PHACTR1: variants seen among roughly 807,000 people sequenced by gnomAD.
PHACTR1 encodes RPEL repeat containing 1.
PHACTR1 carries 16 observed loss-of-function variants against 69.2 expected under a neutral mutation model. The ratio of observed to expected loss-of-function variants is 0.23; its 90% CI spans 0.16 to 0.35. The LOEUF is 0.35. Among genes scored for constraint, PHACTR1 ranks in the 10% least tolerant of loss-of-function variants. The pLI is 1.00. For synonymous variants in PHACTR1, 312 were observed against 284.5 expected, an observed-to-expected ratio of 1.10 and a Z score of -0.97; for missense variants, 510 against 734.7, an observed-to-expected ratio of 0.69 and a Z score of 3.54.
chr6:13,109,242 T>C (rs1816636518), intron 5 of PHACTR1, among the ~76,000 whole-genome samples: 1 of 152,060 alleles, frequency 6.6e-6, no homozygotes, highest in Non-Finnish European at 1.5e-5. Context: ...TCCTGCTTTT[T>C]ATTTTTATGT....
intron 4 of PHACTR1, among the ~76,000 whole-genome samples, chr6:13,005,590 C>A (rs2127633863): frequency 6.6e-6 from 1 of 152,228 alleles, no homozygotes; most frequent in Non-Finnish European, 1.5e-5. Flanking sequence ...TTCAGCATGG[C>A]TTCTGTACTG....
At chr6:13,251,012 C>T (rs536617594) in intron 10 of PHACTR1, among the ~76,000 whole-genome samples, 3 of 152,342 alleles carry the variant, frequency 2.0e-5, no homozygotes, top group African/African-American at 7.2e-5. Flanking sequence ...CACACACACA[C>T]ACACACAATC....
chr6:12,797,037 G>GTC (rs1561891210), intron 4 of PHACTR1, among the ~76,000 whole-genome samples: 1 of 134,240 alleles, frequency 7.4e-6, no homozygotes, highest in African/African-American at 2.6e-5. Flanking sequence ...GTGTGTGTGT[G>GTC]TGTGAGAGAG....
chr6:12,769,766 C>T (rs1769139299), intron 4 of PHACTR1, among the ~76,000 whole-genome samples: 1 of 152,204 alleles, frequency 6.6e-6, no homozygotes, highest in Admixed American at 6.5e-5. Flanking sequence ...CCAGCTGGCT[C>T]AGCTGTGAGA....
At chr6:12,988,677 C>A (rs936648413) in intron 4 of PHACTR1, among the ~76,000 whole-genome samples, 1 of 152,136 alleles carries the variant, frequency 6.6e-6, no homozygotes, top group Admixed American at 6.5e-5. Flanking sequence ...GCAATTTGAC[C>A]AGCATCATGG....
At chr6:13,273,010 C>T (rs116258059) in intron 11 of PHACTR1, 95 bp downstream of exon 11, 4 of 1,524,160 alleles carry the variant, frequency 2.6e-6, no homozygotes, top group Non-Finnish European at 3.6e-6. Flanking sequence ...TGCGCCTCTG[C>T]GGAAAGCATT....
At chr6:13,231,150 GGAAAGA>G (rs1770997669) in intron 10 of PHACTR1, among the ~76,000 whole-genome samples, 1 of 122,722 alleles carries the variant, frequency 8.1e-6, no homozygotes, top group Non-Finnish European at 1.6e-5. Flanking sequence ...AAAGAAAGAA[GGAAAGA>G]GAAAGAGCGA....
At chr6:12,802,727 T>C (rs1773852391) in intron 4 of PHACTR1, among the ~76,000 whole-genome samples, 1 of 152,218 alleles carries the variant, frequency 6.6e-6, no homozygotes, top group Non-Finnish European at 1.5e-5. Flanking sequence ...ATTTGGAATC[T>C]ATAAAATATA....
At chr6:12,883,773 T>A (rs1783348670) in intron 4 of PHACTR1, among the ~76,000 whole-genome samples, 1 of 152,114 alleles carries the variant, frequency 6.6e-6, no homozygotes, top group African/African-American at 2.4e-5. Flanking sequence ...CACATCCCGT[T>A]CTTTATCTTC....
At chr6:13,119,251 A>G (rs1241284011) in intron 5 of PHACTR1, among the ~76,000 whole-genome samples, 1 of 152,210 alleles carries the variant, frequency 6.6e-6, no homozygotes, top group African/African-American at 2.4e-5. Flanking sequence ...GTCATGTGAT[A>G]CACTTTGGAA....
At chr6:13,162,655 C>A (rs896807593) in intron 6 of PHACTR1, among the ~76,000 whole-genome samples, 4 of 152,148 alleles carry the variant, frequency 2.6e-5, no homozygotes, top group African/African-American at 9.7e-5. Context: ...TGTACAGTAG[C>A]ATTTATTATT....
chr6:12,954,505 C>A (rs1791650517), intron 4 of PHACTR1, among the ~76,000 whole-genome samples: 1 of 151,776 alleles, frequency 6.6e-6, no homozygotes. Context: ...GACAGGTAGA[C>A]TTGATAAGAT....
At chr6:13,221,776 G>A (rs1768683194) in intron 8 of PHACTR1, among the ~76,000 whole-genome samples, 2 of 152,174 alleles carry the variant, frequency 1.3e-5, no homozygotes, top group African/African-American at 2.4e-5. Context: ...GGTGGCTCAC[G>A]CCTCTAATCC....
At chr6:13,183,371 T>A (rs910438318) in intron 7 of PHACTR1, among the ~76,000 whole-genome samples, 6 of 149,766 alleles carry the variant, frequency 4.0e-5, no homozygotes, top group African/African-American at 1.5e-4. Context: ...CCTCTTGCAA[T>A]ATCCAGAGTA....
chr6:13,086,084 A>AAG (rs1812249111), intron 5 of PHACTR1, among the ~76,000 whole-genome samples: 1 of 61,482 alleles, frequency 1.6e-5, no homozygotes, highest in African/African-American at 1.2e-4. Context: ...ACACATTTCT[A>AAG]AAAAAAAAAA....
At chr6:13,124,941 A>G (rs73723391) in intron 5 of PHACTR1, among the ~76,000 whole-genome samples, 7,595 of 152,274 alleles carry the variant, frequency 0.05, 625 homozygotes, top group African/African-American at 0.17. Flanking sequence ...AGTCCTTAAT[A>G]TGACCCAAAT....
In PHACTR1 at chr6:13,196,974, C is replaced by T. The variant is rs79686869; in HGVS notation, c.665-8841C>T. Among the ~76,000 whole-genome samples the T allele has an allele frequency of 6.8e-3, 1,043 of 152,286 alleles. 3 individuals carry two copies. Among genetic ancestry groups the T allele is most frequent in the Non-Finnish European group, 0.012 (793 of 68,018 alleles). On this transcript the variant is annotated intron_variant, in intron 7 of 14. Coordinates refer to ENST00000332995, the MANE Select transcript of PHACTR1 (RefSeq NM_030948.6). Reference sequence around the variant, plus strand: ...CTGTTGTTTTTTTGGCTTCTACCTTCCCACCCCAGGCTGGAAAGCATCAGG... The same window carrying T: ...CTGTTGTTTTTTTGGCTTCTACCTTTCCACCCCAGGCTGGAAAGCATCAGG...
intron 4 of PHACTR1, among the ~76,000 whole-genome samples, chr6:12,826,363 T>C (rs2127719611): frequency 6.6e-6 from 1 of 152,338 alleles, no homozygotes; most frequent in African/African-American, 2.4e-5. Flanking sequence ...GACCCACATG[T>C]CTTTTTTAGA....
At chr6:12,886,860 T>C (rs1425316404) in intron 4 of PHACTR1, among the ~76,000 whole-genome samples, 1 of 152,034 alleles carries the variant, frequency 6.6e-6, no homozygotes, top group Non-Finnish European at 1.5e-5. Flanking sequence ...AAAATGCCTT[T>C]GCTGTCACTT....
Sources: allele counts gnomAD v4.1 joint callset (sites outside exome capture counted in the v4.1 genomes callset), GRCh38; gene constraint gnomAD v4.1.1; transcripts MANE v1.5; gene names NCBI Gene and HGNC (gene_info 2026-07-23, HGNC 2026-07-21).